The following SLC23A2 variants were observed in gnomAD, a reference collection of about 807,000 sequenced individuals.
SLC23A2 encodes solute carrier family 23 member 2, also known as Na(+)/L-ascorbic acid transporter 2.
A neutral mutation model predicts 73.3 loss-of-function variants in SLC23A2; 36 were observed. That is an observed-to-expected ratio of 0.49 (90% CI 0.38 to 0.65). The LOEUF (loss-of-function observed/expected upper bound fraction) is 0.65. Ranked by LOEUF, SLC23A2 falls within the 30% of genes least tolerant of loss-of-function variation. The pLI is 0.00. For missense variants in SLC23A2, 507 were observed against 841.6 expected (o/e 0.60, Z 4.92); for synonymous variants, 343 against 327.3 (o/e 1.05, Z -0.52).
chr20:4,862,615 A>C lies in SLC23A2; in HGVS notation c.1486+163T>G, dbSNP rs555260872. On this transcript the variant is annotated intron_variant, in intron 14 of 16. Coordinates refer to ENST00000338244, the MANE Select transcript of SLC23A2 (RefSeq NM_005116.6). The surrounding 1 kb of genome is among the most constrained non-coding windows in gnomAD (Gnocchi z 5.1). ...TGGTTCCATATTTAATATAAATTCA[A>C]CTCAGAGAGTGATAAAAGTTTTCAT... Among the ~76,000 whole-genome samples, 1 of 152,362 alleles carries C rather than the reference A, an allele frequency of 6.6e-6. No individual in the cohort carries two copies. Among genetic ancestry groups the C allele is most frequent in the South Asian group, 2.1e-4 (1 of 4,828 alleles).
chr20:4,960,851 G>A (rs1366601486), intron 2 of SLC23A2, among the ~76,000 whole-genome samples: 1 of 152,160 alleles, frequency 6.6e-6, no homozygotes. Context: ...AGATTTATTA[G>A]GTCTGGGTAT....
chr20:4,955,822 T>TA (rs1158264155), intron 2 of SLC23A2, among the ~76,000 whole-genome samples: 1 of 151,698 alleles, frequency 6.6e-6, no homozygotes, highest in Admixed American at 6.6e-5. Flanking sequence ...AAGTACTGTA[T>TA]ATATACATGT....
intron 3 of SLC23A2, among the ~76,000 whole-genome samples, chr20:4,920,247 C>T (rs1249433877): frequency 1.3e-5 from 2 of 152,136 alleles, no homozygotes; most frequent in Admixed American, 1.3e-4. Context: ...GGCAACAGAA[C>T]GAGACTCCAC....
intron 6 of SLC23A2, among the ~76,000 whole-genome samples, chr20:4,893,238 T>C (rs1931397608): frequency 6.6e-6 from 1 of 151,964 alleles, no homozygotes; most frequent in Admixed American, 6.6e-5. Context: ...TAATTATTTT[T>C]ATTATTTGTA....
chr20:4,876,185 C>CA (rs1383909487), intron 9 of SLC23A2, among the ~76,000 whole-genome samples: 1 of 152,190 alleles, frequency 6.6e-6, no homozygotes, highest in Non-Finnish European at 1.5e-5. Context: ...GACCTACATG[C>CA]AATTTTCATG....
chr20:4,855,108 T>C lies in SLC23A2; in HGVS notation c.*1864A>G, dbSNP rs1255446043. On this transcript the variant is annotated 3_prime_UTR_variant, in exon 17 of 17. Transcript: ENST00000338244. ...ACAAAATTAGATGTAATTTAGCATC[T>C]AAGTTCTTTACTTAATCTGCAGTAA... 6.6e-6 allele frequency: 1 copy of C among 152,658 alleles called. No homozygotes were observed. Among genetic ancestry groups the C allele is most frequent in the Non-Finnish European group, 1.5e-5 (1 of 68,046 alleles). The allele number at this position is 152,658 out of a possible 1,614,324, so 9.5% of individuals were successfully genotyped here.
At position 4,859,519 on chromosome 20, in the gene SLC23A2, T is replaced by C. The variant is rs1166287298; in HGVS notation, c.1625-135A>G. ...AAGGAAAGTGTACATTTCTTAGTTG[T>C]GCACATGTAGATGAATTTTTGCCAG... On this transcript the variant is annotated intron_variant, in intron 15 of 16. Transcript: ENST00000338244. The C allele has an allele frequency of 1.8e-5, 12 of 678,156 alleles. No individual in the cohort carries two copies. In the Admixed American group the frequency reaches 3.0e-4, roughly 17 times the overall value. 42.0% of individuals were successfully genotyped at this position (678,156 alleles called of 1,614,324 possible). A position where few individuals can be genotyped will look rare whatever the true frequency, so the allele number is the denominator to read the frequency against.
rs1929583289 is a variant in SLC23A2, at chr20:4,853,032, T to C, written c.*3940A>G. 1 of 152,368 alleles carries C rather than the reference T, an allele frequency of 6.6e-6. No homozygotes were observed. The highest frequency in any genetic ancestry group is 2.1e-4 in the South Asian group (1 of 4,834). The allele number at this position is 152,368 out of a possible 1,614,324, so 9.4% of individuals were successfully genotyped here. On this transcript the variant is annotated 3_prime_UTR_variant, in exon 17 of 17. Coordinates refer to ENST00000338244, the MANE Select transcript of SLC23A2 (RefSeq NM_005116.6). ...GAGGGGCAGAGGGTGGTCGATGTCC[T>C]AGTCCCTGTGTCTAAAAAGTCATGA... is the stretch of plus-strand genomic sequence containing the variant.
intron 9 of SLC23A2, among the ~76,000 whole-genome samples, chr20:4,877,626 G>A (rs1027473895): frequency 6.6e-6 from 1 of 152,124 alleles, no homozygotes; most frequent in African/African-American, 2.4e-5. Context: ...TTAGATTTCT[G>A]AGCTTAATTA....
At chr20:4,909,681 G>A (rs1259829876) in intron 4 of SLC23A2, among the ~76,000 whole-genome samples, 1 of 152,072 alleles carries the variant, frequency 6.6e-6, no homozygotes, top group Non-Finnish European at 1.5e-5. Context: ...AGCCTCCCAA[G>A]TAGCTGGGAT....
chr20:4,875,486 G>A (rs188187672), intron 9 of SLC23A2, among the ~76,000 whole-genome samples: 3 of 152,282 alleles, frequency 2.0e-5, no homozygotes, highest in Admixed American at 2.0e-4. Context: ...TAGCTCTATG[G>A]CTTGAACTGA....
chr20:4,881,855 T>C (rs1930896952), intron 9 of SLC23A2, among the ~76,000 whole-genome samples: 1 of 152,212 alleles, frequency 6.6e-6, no homozygotes, highest in African/African-American at 2.4e-5. Context: ...AAGTTTCAAT[T>C]TCCTCTCTGA....
chr20:4,865,669 C>T (rs1425402133), intron 13 of SLC23A2, among the ~76,000 whole-genome samples: 2 of 152,088 alleles, frequency 1.3e-5, no homozygotes, highest in Non-Finnish European at 2.9e-5. Flanking sequence ...AATTTTACTC[C>T]TACAGTCGTC....
At chr20:4,977,396 A>G (rs896608826) in intron 1 of SLC23A2, among the ~76,000 whole-genome samples, 1 of 152,008 alleles carries the variant, frequency 6.6e-6, no homozygotes, top group African/African-American at 2.4e-5. Flanking sequence ...TTTAATAAAG[A>G]CAAGCTCTCA....
chr20:4,882,487 C>T (rs570443625), intron 9 of SLC23A2, among the ~76,000 whole-genome samples: 2 of 152,214 alleles, frequency 1.3e-5, no homozygotes, highest in Non-Finnish European at 2.9e-5. Context: ...TTTTCACACA[C>T]CTTAATTTAA....
intron 13 of SLC23A2, among the ~76,000 whole-genome samples, chr20:4,864,881 G>A (rs948318968): frequency 1.3e-5 from 2 of 152,122 alleles, no homozygotes; most frequent in South Asian, 2.1e-4. Context: ...AGGTATGAAG[G>A]GCCAAACTGG....
intron 1 of SLC23A2, among the ~76,000 whole-genome samples, chr20:5,008,005 G>A (rs1037883886): frequency 1.3e-5 from 2 of 151,908 alleles, no homozygotes; most frequent in African/African-American, 4.8e-5. Context: ...TGCCTCCTGG[G>A]TTCAGGCGAT....
In SLC23A2 at chr20:4,862,249, C is replaced by T. The variant is rs187420385; in HGVS notation, c.1487-164G>A. 2.0e-5 allele frequency among the ~76,000 whole-genome samples: 3 copies of T among 152,312 alleles called. No homozygotes were observed. The highest frequency in any genetic ancestry group is 2.0e-4 in the Admixed American group (3 of 15,298). ...ACGTGTGGGGTCAGACTGTAGCCAC[C>T]CTGCGCTCTGAGCCAAATGACCCTC... On this transcript the variant is annotated intron_variant, in intron 14 of 16. Transcript: ENST00000338244. This position sits in a 1 kb window ranked among gnomAD's most constrained non-coding sequence, Gnocchi z 5.1.
chr20:4,916,224 A>C (rs1248815367), intron 3 of SLC23A2, among the ~76,000 whole-genome samples: 3 of 152,212 alleles, frequency 2.0e-5, no homozygotes, highest in Non-Finnish European at 4.4e-5. Context: ...ACTGTGCTCC[A>C]AGTCATATCG....
Sources: gnomAD v4.1 joint callset for allele counts (sites outside exome capture counted in the v4.1 genomes callset) on GRCh38, gnomAD v4.1.1 for gene constraint, Gnocchi (gnomAD v3.1) non-coding constraint, MANE v1.5 for transcripts, NCBI Gene and HGNC (gene_info 2026-07-23, HGNC 2026-07-21) for gene names.